Variants in PSD3 observed in about 807,000 individuals in gnomAD.
PSD3 encodes the protein pleckstrin and Sec7 domain containing 3.
In PSD3, 49 loss-of-function variants were observed where a neutral mutation model predicts 105.5. That is an observed-to-expected ratio of 0.46 (90% CI 0.37 to 0.59). PSD3 has a LOEUF of 0.59. Ranked by LOEUF, PSD3 falls within the 20% of genes least tolerant of loss-of-function variation. PSD3 has a pLI of 0.00. For synonymous variants in PSD3, 557 were observed against 457.8 expected (o/e 1.22, Z -2.77); for missense variants, 1,561 against 1,263.8 (o/e 1.24, Z -3.57).
chr8:18,912,864 C>CCCTAAAT (rs1820325041), intron 2 of PSD3, among the ~76,000 whole-genome samples: 1 of 152,004 alleles, frequency 6.6e-6, no homozygotes, highest in Non-Finnish European at 1.5e-5. Context: ...AGGAAATACA[C>CCCTAAAT]CCTAAATTTT....
chr8:18,765,479 C>T lies in PSD3; in HGVS notation c.2142G>A (p.Glu714=), dbSNP rs1806905720. ...EFIANLQGVN[E]GVDFSKDLLK... ...GCAGATCCTTGGAGAAATCAACACC[C>T]TCATTTACCCCTTGCAGATTTGCAA... Residue 714 remains glutamate (E), a synonymous_variant, in exon 9 of 16, where the codon GAG becomes GAA. Transcript: ENST00000327040. 1 of 1,612,966 alleles carries T rather than the reference C, an allele frequency of 6.2e-7. No individual in the cohort carries two copies. The highest frequency in any genetic ancestry group is 8.5e-7 in the Non-Finnish European group (1 of 1,178,930).
intron 9 of PSD3, among the ~76,000 whole-genome samples, chr8:18,664,130 C>T (rs190825611): frequency 1.3e-5 from 2 of 152,286 alleles, no homozygotes; most frequent in East Asian, 3.9e-4. Flanking sequence ...CTGCAATGGT[C>T]TCTAACTGTT....
intron 4 of PSD3, among the ~76,000 whole-genome samples, chr8:18,852,670 G>A (rs76106315): frequency 2.5e-3 from 388 of 152,248 alleles, no homozygotes; most frequent in Middle Eastern, 0.017. Context: ...TGACTGAGAC[G>A]AGAACAGAGG....
chr8:19,065,938 A>G (rs1474931957), intron 1 of PSD3, among the ~76,000 whole-genome samples: 1 of 152,194 alleles, frequency 6.6e-6, no homozygotes, highest in African/African-American at 2.4e-5. Context: ...CCAGCCATGA[A>G]TCAACTTGTT....
intron 9 of PSD3, among the ~76,000 whole-genome samples, chr8:18,742,978 A>G (rs1167759917): frequency 2.6e-5 from 4 of 152,290 alleles, no homozygotes; most frequent in Middle Eastern, 3.4e-3. Flanking sequence ...ACAATTTCCA[A>G]TGTGAGGGAC....
intron 1 of PSD3, among the ~76,000 whole-genome samples, chr8:18,962,592 G>A (rs995337817): frequency 1.3e-5 from 2 of 152,172 alleles, no homozygotes; most frequent in Non-Finnish European, 1.5e-5. Flanking sequence ...TTGAGAATGG[G>A]TTAGAGTTAT....
At chr8:18,742,197 A>AAT (rs1425241674) in intron 9 of PSD3, among the ~76,000 whole-genome samples, 1 of 152,200 alleles carries the variant, frequency 6.6e-6, no homozygotes, top group African/African-American at 2.4e-5. Flanking sequence ...ATTTCCTTGC[A>AAT]ATATACCTCT....
chr8:18,857,851 C>T (rs1424646915), intron 4 of PSD3, among the ~76,000 whole-genome samples: 1 of 152,108 alleles, frequency 6.6e-6, no homozygotes, highest in Admixed American at 6.5e-5. Flanking sequence ...ATTTTTAAGG[C>T]TTTCCTTTTG....
At chr8:18,693,038 C>G (rs1195514392) in intron 9 of PSD3, among the ~76,000 whole-genome samples, 1 of 152,180 alleles carries the variant, frequency 6.6e-6, no homozygotes, top group Non-Finnish European at 1.5e-5. Context: ...GAAACAGACG[C>G]TGACATATGT....
At chr8:18,726,800 G>A (rs576733112) in intron 9 of PSD3, among the ~76,000 whole-genome samples, 26 of 152,248 alleles carry the variant, frequency 1.7e-4, no homozygotes, top group Non-Finnish European at 1.3e-4. Flanking sequence ...TTCCAACCAC[G>A]CTTCGGGGCT....
At chr8:19,029,361 C>T (rs367981262) in intron 1 of PSD3, among the ~76,000 whole-genome samples, 3 of 152,110 alleles carry the variant, frequency 2.0e-5, no homozygotes, top group Admixed American at 1.3e-4. Context: ...GTGTATAGTA[C>T]TTGCACATTG....
chr8:18,754,097 A>G (rs924426812), intron 9 of PSD3, among the ~76,000 whole-genome samples: 3 of 152,164 alleles, frequency 2.0e-5, no homozygotes, highest in Admixed American at 2.0e-4. Context: ...AATAATTTCA[A>G]TTTAGGCCAG....
At chr8:18,733,825 G>C (rs1351926437) in intron 9 of PSD3, 1 of 152,576 alleles carries the variant, frequency 6.6e-6, no homozygotes, top group Non-Finnish European at 1.5e-5. Flanking sequence ...AGGCTTTGAA[G>C]CCTGCAAATC....
chr8:18,637,961 G>C (rs1419157854), intron 10 of PSD3, among the ~76,000 whole-genome samples: 2 of 151,992 alleles, frequency 1.3e-5, no homozygotes, highest in Non-Finnish European at 2.9e-5. Context: ...TTCAAGACCA[G>C]TCTGGCCAAA....
intron 8 of PSD3, among the ~76,000 whole-genome samples, chr8:18,781,401 C>G (rs573659094): frequency 6.6e-6 from 1 of 152,286 alleles, no homozygotes; most frequent in African/African-American, 2.4e-5. Context: ...TGAAGTACCT[C>G]CCAAGACACA....
chr8:18,804,342 AC>A (rs945441114), intron 6 of PSD3, 179 bp downstream of exon 6: 20 of 559,498 alleles, frequency 3.6e-5, no homozygotes, highest in African/African-American at 2.5e-4. Flanking sequence ...ACATCTCTAA[AC>A]CTGACAAAAT....
chr8:18,935,394 G>A (rs371386737), intron 2 of PSD3, among the ~76,000 whole-genome samples: 8 of 152,112 alleles, frequency 5.3e-5, no homozygotes, highest in African/African-American at 1.9e-4. Flanking sequence ...AAGCACCAAG[G>A]GCTGGGCACA....
chr8:18,920,000 T>TA (rs1254004646), intron 2 of PSD3, among the ~76,000 whole-genome samples: 5 of 82,636 alleles, frequency 6.1e-5, no homozygotes, highest in African/African-American at 2.4e-4. Context: ...TAAAGTATAA[T>TA]AAAAAAATAA....
In PSD3 at chr8:18,713,249, A is replaced by G. The variant is rs550903252; in HGVS notation, c.2172+52200T>C. Among the ~76,000 whole-genome samples the G allele has an allele frequency of 2.0e-3, 307 of 152,230 alleles. 2 individuals are homozygous for G. Among genetic ancestry groups the G allele is most frequent in the African/African-American group, 7.1e-3 (295 of 41,530 alleles). ...CAAGACAAGGATGCCCTCTTTCACC[A>G]CTCGTATTCAACACAGTATTAGACA... On this transcript the variant is annotated intron_variant, in intron 9 of 15. Transcript: ENST00000327040.
Sources: gnomAD v4.1 joint callset for allele counts (sites outside exome capture counted in the v4.1 genomes callset) on GRCh38, gnomAD v4.1.1 for gene constraint, MANE v1.5 for transcripts, NCBI Gene and HGNC (gene_info 2026-07-23, HGNC 2026-07-21) for gene names.